Variants in HHLA1 observed in about 807,000 individuals in gnomAD.
The protein encoded by HHLA1 is HHLA1 neighbor of OC90, also known as HERV-H LTR-associating protein 1.
A neutral mutation model predicts 69.9 loss-of-function variants in HHLA1; 72 were observed. The observed-to-expected ratio is 1.03, with a 90% CI of 0.85 to 1.25. HHLA1 has a LOEUF of 1.25. HHLA1 is among the 50% of genes most tolerant of loss of function. HHLA1 has a pLI of 0.00. For missense variants in HHLA1, 685 were observed against 642.2 expected (o/e 1.07, Z -0.72); for synonymous variants, 252 against 233.2 (o/e 1.08, Z -0.73).
chr8:132,110,255 G>A (rs904051445), intron 1 of HHLA1, among the ~76,000 whole-genome samples: 2 of 152,160 alleles, frequency 1.3e-5, no homozygotes, highest in African/African-American at 4.8e-5. Flanking sequence ...GAGGCATTAC[G>A]ACGGTCCGTT....
intron 1 of HHLA1, among the ~76,000 whole-genome samples, chr8:132,110,417 A>C (rs1432423729): frequency 6.6e-6 from 1 of 152,242 alleles, no homozygotes; most frequent in East Asian, 1.9e-4. Flanking sequence ...GGGCTGTGAG[A>C]GAACACCAAA....
At chr8:132,080,308 G>A (rs1032504926) in intron 10 of HHLA1, 2 of 366,552 alleles carry the variant, frequency 5.5e-6, no homozygotes, top group East Asian at 7.2e-5. Context: ...ATTTCACCTG[G>A]GTGCAGGCGG....
intron 1 of HHLA1, among the ~76,000 whole-genome samples, chr8:132,107,402 A>G (rs1247927679): frequency 6.6e-6 from 1 of 152,040 alleles, no homozygotes; most frequent in Non-Finnish European, 1.5e-5. Context: ...CCAGGTTCAA[A>G]TGGTTCTCAT....
intron 10 of HHLA1, chr8:132,081,104 G>T (rs1165420967): frequency 1.3e-5 from 2 of 152,208 alleles, no homozygotes; most frequent in African/African-American, 4.8e-5. Context: ...AGAGTTAAGA[G>T]TGGCAGTTTG....
intron 7 of HHLA1, among the ~76,000 whole-genome samples, chr8:132,094,911 G>T (rs1823999244): frequency 6.6e-6 from 1 of 152,124 alleles, no homozygotes; most frequent in Non-Finnish European, 1.5e-5. Context: ...TTATTTTTCA[G>T]TATTCTCTAA....
intron 1 of HHLA1, among the ~76,000 whole-genome samples, chr8:132,109,804 C>G (rs1369486753): frequency 6.6e-6 from 1 of 152,078 alleles, no homozygotes; most frequent in Non-Finnish European, 1.5e-5. Flanking sequence ...CAGTAAAAAG[C>G]CTGATATTGA....
intron 1 of HHLA1, among the ~76,000 whole-genome samples, chr8:132,109,989 T>C (rs1268610359): frequency 1.3e-5 from 2 of 152,196 alleles, no homozygotes; most frequent in Non-Finnish European, 2.9e-5. Context: ...ACAGCAGCCC[T>C]GGAGCCGGGA....
chr8:132,066,304 T>C (rs953456353), intron 15 of HHLA1, among the ~76,000 whole-genome samples: 42 of 152,348 alleles, frequency 2.8e-4, no homozygotes, highest in African/African-American at 9.9e-4. Flanking sequence ...TCGCAGGTTA[T>C]ATAAGGATAA....
At position 132,100,065 on chromosome 8, in the gene HHLA1, C is replaced by T. The variant is rs1359758737; in HGVS notation, c.199+10G>A. 16 of 1,548,722 alleles carry T rather than the reference C, an allele frequency of 1.0e-5. No individual in the cohort carries two copies. Among genetic ancestry groups the T allele is most frequent in the Admixed American group, 3.9e-5 (2 of 50,960 alleles). On this transcript the variant is annotated intron_variant, in intron 4 of 16. Coordinates refer to ENST00000414222, the MANE Select transcript of HHLA1 (RefSeq NM_001145095.3). ...AGACAACCCAAGGGATTTGGGGGAG[C>T]GGCACTCACCCGTCGTAGCAAGAAA...
intron 14 of HHLA1, among the ~76,000 whole-genome samples, chr8:132,075,822 A>T (rs893047840): frequency 6.6e-6 from 1 of 152,236 alleles, no homozygotes; most frequent in African/African-American, 2.4e-5. Flanking sequence ...AGATAAAAAA[A>T]CAGGCATTTT....
Position 132,076,637 on chromosome 8 carries a change from C to A in HHLA1, c.1172-94G>T, listed in dbSNP as rs190888827. The A allele has an allele frequency of 4.0e-3, 2,951 of 743,328 alleles. 12 individuals carry two copies. Among genetic ancestry groups the A allele is most frequent in the Non-Finnish European group, 5.0e-3 (2,470 of 489,980 alleles). 46.0% of individuals were successfully genotyped at this position (743,328 alleles called of 1,614,324 possible). The stretch of plus-strand genomic sequence containing the variant: ...GGCCACCTATCCTGCCCTATCCAAC[C>A]AATGTTGGTTAAGCCAGGTACCAGG... On this transcript the variant is annotated intron_variant, in intron 12 of 16. Coordinates refer to ENST00000414222, the MANE Select transcript of HHLA1 (RefSeq NM_001145095.3).
At chr8:132,065,555 T>C (rs143658440) in intron 16 of HHLA1, among the ~76,000 whole-genome samples, 2,081 of 152,344 alleles carry the variant, frequency 0.014, 26 homozygotes, top group Non-Finnish European at 0.023. Context: ...GTGCTGGGAT[T>C]ACAGGCGTGA....
chr8:132,089,022 CT>C (rs1188046213), intron 8 of HHLA1, among the ~76,000 whole-genome samples: 14 of 152,268 alleles, frequency 9.2e-5, no homozygotes, highest in Admixed American at 4.6e-4. Flanking sequence ...TGAATAGATC[CT>C]TGCTTTTCAA....
intron 14 of HHLA1, among the ~76,000 whole-genome samples, chr8:132,073,763 G>C (rs531837611): frequency 6.6e-6 from 1 of 152,224 alleles, no homozygotes; most frequent in Non-Finnish European, 1.5e-5. Flanking sequence ...TATTCACTTA[G>C]TTGCTCAAAC....
At position 132,079,740 on chromosome 8, in the gene HHLA1, G is replaced by A; in HGVS notation, c.903C>T (p.Ala301=). The change falls in exon 11 of 17, where the codon GCC becomes GCT. Residue 301 remains alanine (A), a synonymous_variant. Coordinates refer to ENST00000414222, the MANE Select transcript of HHLA1 (RefSeq NM_001145095.3). The part of the protein sequence containing the change: ...PARATATWFS[A]SHTLPALATR... The stretch of plus-strand genomic sequence containing the variant: ...TACCCAAGGCTGGGAGAGTGTGGGA[G>A]GCACTGAACCATGTGGCTGTGGCCC... The A allele has an allele frequency of 3.2e-6, 5 of 1,550,814 alleles. No individual in the cohort carries two copies. The South Asian group carries it at 4.8e-5, about 15-fold the overall frequency.
chr8:132,089,448 T>C, intron 8 of HHLA1, 68 bp downstream of exon 8: 2 of 838,286 alleles, frequency 2.4e-6, no homozygotes, highest in Non-Finnish European at 2.0e-6. Flanking sequence ...GAACATAATA[T>C]GCTTCATTAT....
intron 15 of HHLA1, among the ~76,000 whole-genome samples, chr8:132,066,307 A>G (rs1823438772): frequency 6.6e-6 from 1 of 152,222 alleles, no homozygotes; most frequent in Admixed American, 6.5e-5. Context: ...CAGGTTATAT[A>G]AGGATAAGAT....
intron 10 of HHLA1, among the ~76,000 whole-genome samples, chr8:132,081,949 T>C (rs1329237461): frequency 6.6e-6 from 1 of 152,036 alleles, no homozygotes; most frequent in Non-Finnish European, 1.5e-5. Context: ...CCTTTGCTGG[T>C]GTGTGGCGAT....
chr8:132,073,079 T>C (rs552418636), intron 14 of HHLA1, among the ~76,000 whole-genome samples: 1 of 152,354 alleles, frequency 6.6e-6, no homozygotes, highest in East Asian at 1.9e-4. Flanking sequence ...CATGTATTCA[T>C]TCAATATTAT....
Sources: allele counts gnomAD v4.1 joint callset (sites outside exome capture counted in the v4.1 genomes callset), GRCh38; gene constraint gnomAD v4.1.1; transcripts MANE v1.5; gene names NCBI Gene and HGNC (gene_info 2026-07-23, HGNC 2026-07-21).